Variants in AGO1 observed in about 807,000 individuals in gnomAD.
AGO1 encodes protein argonaute-1.
Under a neutral mutation model 109.2 loss-of-function variants are expected in AGO1, and 11 were observed. That is an observed-to-expected ratio of 0.10 (90% CI 0.06 to 0.17). The LOEUF is 0.17. AGO1 is among the 10% of genes least tolerant of loss of function. AGO1 has a pLI of 1.00. For missense variants in AGO1, 574 were observed against 1,140.3 expected (o/e 0.50, Z 7.15); for synonymous variants, 422 against 418.6 (o/e 1.01, Z -0.10).
chr1:35,914,295 G>T lies in AGO1; in HGVS notation c.1833+21G>T, dbSNP rs368335360. The stretch of plus-strand genomic sequence containing the variant: ...CAGCAGTGAGTGATATTCTGTAGCT[G>T]CCTCATAAGGTTCTCCTCTTCGCTC... On this transcript the variant is annotated intron_variant, in intron 14 of 18. Coordinates refer to ENST00000373204, the MANE Select transcript of AGO1 (RefSeq NM_012199.5). 9.4e-6 allele frequency: 15 copies of T among 1,596,816 alleles called. No homozygotes were observed. The African/African-American group carries it at 2.0e-4, about 21-fold the overall frequency.
intron 2 of AGO1, 26 bp from the exon 3 acceptor site, chr1:35,892,530 TC>T (rs755971939): frequency 3.8e-5 from 62 of 1,614,052 alleles, no homozygotes; most frequent in Admixed American, 1.3e-4. Context: ...TCTCTCAGCT[TC>T]CACAGGCCAC....
In AGO1 at chr1:35,927,373, C is replaced by G. The variant is rs554554773; in HGVS notation, c.*7766C>G. On this transcript the variant is annotated 3_prime_UTR_variant, in exon 19 of 19. Transcript: ENST00000373204. ...TGGCTCAGTGATAACACCAAAGACT[C>G]AGTTTCTTGAAATTTTTTTGCTCTG... The G allele has an allele frequency of 6.6e-6, 1 of 152,232 alleles. No individual in the cohort carries two copies. Among genetic ancestry groups the G allele is most frequent in the South Asian group, 2.1e-4 (1 of 4,828 alleles). 9.4% of individuals were successfully genotyped at this position (152,232 alleles called of 1,614,324 possible). A position where few individuals can be genotyped will look rare whatever the true frequency, so the allele number is the denominator to read the frequency against.
chr1:35,892,077 G>A (rs1292357915), intron 2 of AGO1, among the ~76,000 whole-genome samples: 2 of 151,848 alleles, frequency 1.3e-5, no homozygotes, highest in African/African-American at 2.4e-5. Context: ...TAGAAGATAC[G>A]GTCTCACTCT....
intron 1 of AGO1, among the ~76,000 whole-genome samples, chr1:35,876,240 T>A (rs982372655): frequency 6.6e-6 from 1 of 151,884 alleles, no homozygotes; most frequent in Admixed American, 6.6e-5. Flanking sequence ...CTTGAACAGA[T>A]GAGGAAATCC....
Position 35,901,903 on chromosome 1 carries a change from T to A in AGO1, c.1141-45T>A, listed in dbSNP as rs368998791. ...TTGATACCCAGAGGGTGAGCAGTAT[T>A]GCCAAGCTCCTGTTCTCCTGAGATT... On this transcript the variant is annotated intron_variant, in intron 9 of 18. Coordinates refer to ENST00000373204, the MANE Select transcript of AGO1 (RefSeq NM_012199.5). The surrounding 1 kb of genome is among the most constrained non-coding windows in gnomAD (Gnocchi z 4.8). The A allele has an allele frequency of 6.5e-7, 1 of 1,545,858 alleles. No homozygotes were observed. The highest frequency in any genetic ancestry group is 2.3e-5 in the East Asian group (1 of 44,362).
rs1645923174 is a variant in AGO1 at position 35,926,169 on chromosome 1, G to A, written c.*6562G>A. Reference sequence around the variant, plus strand: ...AACTTAGCAGGGGGAATAGGAGGAGGATGATTATGGCAAATTTTGCTATAA... The same window carrying A: ...AACTTAGCAGGGGGAATAGGAGGAGAATGATTATGGCAAATTTTGCTATAA... On this transcript the variant is annotated 3_prime_UTR_variant, in exon 19 of 19. Coordinates refer to ENST00000373204, the MANE Select transcript of AGO1 (RefSeq NM_012199.5). 6.6e-6 allele frequency: 1 copy of A among 152,196 alleles called. No individual in the cohort carries two copies. Among genetic ancestry groups the A allele is most frequent in the Non-Finnish European group, 1.5e-5 (1 of 68,042 alleles). 9.4% of individuals were successfully genotyped at this position (152,196 alleles called of 1,614,324 possible). A position where few individuals can be genotyped will look rare whatever the true frequency, so the allele number is the denominator to read the frequency against.
chr1:35,895,058 G>C, intron 7 of AGO1, 64 bp from the exon 8 acceptor site: 1 of 1,520,110 alleles, frequency 6.6e-7, no homozygotes, highest in Non-Finnish European at 8.8e-7. Flanking sequence ...CATGGTTGTG[G>C]GTCTAGAGAA....
chr1:35,874,275 C>T (rs1342598348), intron 1 of AGO1, among the ~76,000 whole-genome samples: 2 of 152,188 alleles, frequency 1.3e-5, no homozygotes, highest in African/African-American at 4.8e-5. Context: ...TCAATCGATC[C>T]TCCCACCTCA....
At chr1:35,874,228 C>T (rs2148703107) in intron 1 of AGO1, among the ~76,000 whole-genome samples, 1 of 152,288 alleles carries the variant, frequency 6.6e-6, no homozygotes, top group East Asian at 1.9e-4. Context: ...AGTGCAGAGG[C>T]ATGATCATGG....
chr1:35,898,756 G>T (rs759926949), intron 8 of AGO1, among the ~76,000 whole-genome samples: 1 of 152,184 alleles, frequency 6.6e-6, no homozygotes, highest in Non-Finnish European at 1.5e-5. Context: ...GATTCAATTA[G>T]AAACTAGAAG....
chr1:35,874,748 A>G (rs887187672), intron 1 of AGO1, among the ~76,000 whole-genome samples: 2 of 152,264 alleles, frequency 1.3e-5, no homozygotes, highest in African/African-American at 2.4e-5. Flanking sequence ...CAAATTGTCA[A>G]TGCAAAGGAG....
chr1:35,906,703 G>T (rs962800974), intron 11 of AGO1, among the ~76,000 whole-genome samples: 2 of 151,816 alleles, frequency 1.3e-5, no homozygotes, highest in Non-Finnish European at 2.9e-5. Context: ...ACCTACTCAG[G>T]AGGCTGAGAT....
At chr1:35,916,667 C>T (rs1287653082) in intron 15 of AGO1, among the ~76,000 whole-genome samples, 4 of 152,238 alleles carry the variant, frequency 2.6e-5, no homozygotes, top group African/African-American at 9.6e-5. Flanking sequence ...CGTGCCCGGC[C>T]ATTATGCCCA....
chr1:35,900,593 A>G (rs1173657439), intron 8 of AGO1, among the ~76,000 whole-genome samples: 1 of 152,136 alleles, frequency 6.6e-6, no homozygotes, highest in Non-Finnish European at 1.5e-5. Flanking sequence ...CGGGCATGGT[A>G]GCACATGACT....
At chr1:35,918,532 T>A in intron 17 of AGO1, 109 bp downstream of exon 17, 4 of 957,510 alleles carry the variant, frequency 4.2e-6, no homozygotes. Context: ...TTAGGATTGC[T>A]CTCTTTTCTG....
chr1:35,893,968 A>G lies in AGO1; in HGVS notation c.650-69A>G. 2 of 1,522,730 alleles carry G rather than the reference A, an allele frequency of 1.3e-6. No individual in the cohort carries two copies. The highest frequency in any genetic ancestry group is 1.8e-6 in the Non-Finnish European group (2 of 1,133,564). The allele number at this position is 1,522,730 out of a possible 1,614,324, so 94.3% of individuals were successfully genotyped here. ...AATGCCCTTTAAGGAAGAGGGTATA[A>G]ATTGCTGTGCCTCCATGTATTGTGG... is the stretch of plus-strand genomic sequence containing the variant. On this transcript the variant is annotated intron_variant, in intron 5 of 18. Coordinates refer to ENST00000373204, the MANE Select transcript of AGO1 (RefSeq NM_012199.5). This position sits in a 1 kb window ranked among gnomAD's most constrained non-coding sequence, Gnocchi z 5.6.
chr1:35,924,862 G>A lies in AGO1; in HGVS notation c.*5255G>A, dbSNP rs1645897970. 6.6e-6 allele frequency: 1 copy of A among 152,196 alleles called. No individual in the cohort carries two copies. Among genetic ancestry groups the A allele is most frequent in the Non-Finnish European group, 1.5e-5 (1 of 68,066 alleles). The allele number at this position is 152,196 out of a possible 1,614,324, so 9.4% of individuals were successfully genotyped here. A position where few individuals can be genotyped will look rare whatever the true frequency, so the allele number is the denominator to read the frequency against. ...TTGAGGTGTTTGTGGGGCAGTAAGG[G>A]TAAGGTGTCCAGTAAACACAGGTTG... On this transcript the variant is annotated 3_prime_UTR_variant, in exon 19 of 19. Coordinates refer to ENST00000373204, the MANE Select transcript of AGO1 (RefSeq NM_012199.5).
In AGO1 at chr1:35,919,132, G is replaced by A. The variant is rs766341150; in HGVS notation, c.2343G>A (p.Thr781=). The A allele has an allele frequency of 2.6e-5, 42 of 1,614,024 alleles. No homozygotes were observed. In the South Asian group the frequency reaches 2.7e-4, roughly 11 times the overall value. Residue 781 remains threonine (T), a synonymous_variant, in exon 18 of 19, where the codon ACG becomes ACA. Coordinates refer to ENST00000373204, the MANE Select transcript of AGO1 (RefSeq NM_012199.5). The surrounding 1 kb of genome is among the most constrained non-coding windows in gnomAD (Gnocchi z 6.6). ...CAGCAGATGAGCTCCAGATCCTGAC[G>A]TACCAGCTGTGCCACACTTACGTAC... The part of the protein sequence containing the change: ...RFTADELQIL[T]YQLCHTYVRC...
chr1:35,886,595 T>G (rs975091135), intron 1 of AGO1, among the ~76,000 whole-genome samples: 1 of 152,072 alleles, frequency 6.6e-6, no homozygotes, highest in Non-Finnish European at 1.5e-5. Flanking sequence ...CAAATGATTA[T>G]TCAGTCTGGG....
Sources: gnomAD v4.1 joint callset for allele counts (sites outside exome capture counted in the v4.1 genomes callset) on GRCh38, gnomAD v4.1.1 for gene constraint, Gnocchi (gnomAD v3.1) non-coding constraint, MANE v1.5 for transcripts, NCBI Gene and HGNC (gene_info 2026-07-23, HGNC 2026-07-21) for gene names.